Variants in CNTN4 observed in about 807,000 individuals in gnomAD.
CNTN4 encodes the protein contactin-4.
Under a neutral mutation model 122.5 loss-of-function variants are expected in CNTN4, and 77 were observed. The ratio of observed to expected loss-of-function variants is 0.63; its 90% CI spans 0.52 to 0.76. The LOEUF (loss-of-function observed/expected upper bound fraction) is 0.76, where lower values mean the gene tolerates loss of function less well. Ranked by LOEUF, CNTN4 falls within the 30% of genes least tolerant of loss-of-function variation. The probability of loss-of-function intolerance (pLI) is 0.00; values close to 1 mark genes in which losing one functional copy is unlikely to be tolerated. For missense variants in CNTN4, 1,256 were observed against 1,259.1 expected (o/e 1.00, Z 0.04); for synonymous variants, 512 against 447.0 (o/e 1.15, Z -1.83).
chr3:2,673,373 C>T (rs1412009582), intron 4 of CNTN4, among the ~76,000 whole-genome samples: 2 of 152,114 alleles, frequency 1.3e-5, no homozygotes, highest in African/African-American at 4.8e-5. Flanking sequence ...AAATATAACC[C>T]TGAATTCCTC....
chr3:2,298,302 A>T (rs2042385753), intron 2 of CNTN4, among the ~76,000 whole-genome samples: 1 of 152,108 alleles, frequency 6.6e-6, no homozygotes, highest in South Asian at 2.1e-4. Flanking sequence ...TTGAAATTTA[A>T]CAGGCTTATT....
chr3:2,562,898 A>C (rs943711034), intron 3 of CNTN4, among the ~76,000 whole-genome samples: 6 of 148,818 alleles, frequency 4.0e-5, no homozygotes, highest in African/African-American at 1.5e-4. Flanking sequence ...TAACTTTTAA[A>C]TTTTTTTTTT....
rs529931595 is a variant in CNTN4 at position 2,289,222 on chromosome 3, G to A, written c.-144-49956G>A. ...TTAGATGATTTCTAACATGAATGAT[G>A]GAGTGATAGGTACAGGGAAGGATGA... On this transcript the variant is annotated intron_variant, in intron 2 of 24. Coordinates refer to ENST00000418658, the MANE Select transcript of CNTN4 (RefSeq NM_175607.3). Among the ~76,000 whole-genome samples the A allele has an allele frequency of 2.0e-5, 3 of 152,256 alleles. No individual in the cohort carries two copies. In the South Asian group the frequency reaches 6.2e-4, roughly 32 times the overall value.
rs149308994 is a variant in CNTN4 at position 2,474,187 on chromosome 3, C to T, written c.-88-97229C>T. Among the ~76,000 whole-genome samples the T allele has an allele frequency of 3.4e-3, 517 of 152,192 alleles. 1 individual carries two copies. The highest frequency in any genetic ancestry group is 0.012 in the African/African-American group (500 of 41,540). On this transcript the variant is annotated intron_variant, in intron 3 of 24. Coordinates refer to ENST00000418658, the MANE Select transcript of CNTN4 (RefSeq NM_175607.3). ...ATGCTGTTCTTTTTACATAGGGCTT[C>T]CCTTAGCACAGCATTTCATCACATA...
At chr3:2,352,778 G>A (rs1575440170) in intron 3 of CNTN4, among the ~76,000 whole-genome samples, 1 of 152,240 alleles carries the variant, frequency 6.6e-6, no homozygotes, top group Non-Finnish European at 1.5e-5. Context: ...CAGGTGCACG[G>A]TGCGGGACTG....
intron 13 of CNTN4, among the ~76,000 whole-genome samples, chr3:2,969,563 C>T (rs796601559): frequency 5.4e-5 from 8 of 149,104 alleles, no homozygotes; most frequent in African/African-American, 2.0e-4. Context: ...GAAATGGATG[C>T]TGTGCAGGCA....
intron 4 of CNTN4, among the ~76,000 whole-genome samples, chr3:2,634,870 A>G (rs1307813408): frequency 6.6e-6 from 1 of 151,864 alleles, no homozygotes; most frequent in African/African-American, 2.4e-5. Flanking sequence ...AATAACAATA[A>G]AATAAAAAAT....
At chr3:2,559,496 C>T (rs1160463653) in intron 3 of CNTN4, among the ~76,000 whole-genome samples, 1 of 151,992 alleles carries the variant, frequency 6.6e-6, no homozygotes, top group Non-Finnish European at 1.5e-5. Flanking sequence ...ATACCTGCCT[C>T]CTCAAGTTAT....
chr3:2,288,186 T>G (rs956441747), intron 2 of CNTN4, among the ~76,000 whole-genome samples: 1 of 152,208 alleles, frequency 6.6e-6, no homozygotes, highest in African/African-American at 2.4e-5. Flanking sequence ...AAGGAATGCC[T>G]GAGACTAGGT....
At chr3:2,608,954 C>T (rs1189791180) in intron 4 of CNTN4, among the ~76,000 whole-genome samples, 1 of 152,204 alleles carries the variant, frequency 6.6e-6, no homozygotes, top group Non-Finnish European at 1.5e-5. Flanking sequence ...TATAAAGAGT[C>T]TGGTCTTGTT....
intron 4 of CNTN4, among the ~76,000 whole-genome samples, chr3:2,703,481 TCTC>T (rs1290994965): frequency 6.6e-6 from 1 of 152,138 alleles, no homozygotes; most frequent in Non-Finnish European, 1.5e-5. Flanking sequence ...TAAAATCAAA[TCTC>T]AGAGAAGATG....
intron 13 of CNTN4, among the ~76,000 whole-genome samples, chr3:2,965,377 T>G (rs1692204000): frequency 6.6e-6 from 1 of 152,232 alleles, no homozygotes; most frequent in Non-Finnish European, 1.5e-5. Flanking sequence ...CTTTCTCTGG[T>G]GATGGAAATA....
At chr3:2,712,417 G>T (rs898005286) in intron 4 of CNTN4, among the ~76,000 whole-genome samples, 4 of 152,056 alleles carry the variant, frequency 2.6e-5, no homozygotes, top group African/African-American at 9.7e-5. Context: ...GAGGAGAAAA[G>T]GTAACATCTT....
intron 2 of CNTN4, among the ~76,000 whole-genome samples, chr3:2,287,658 GAAGAAGAA>G (rs1559415346): frequency 0.019 from 606 of 31,678 alleles, 6 homozygotes; most frequent in African/African-American, 0.047. Context: ...AGAAGAAGAA[GAAGAAGAA>G]GAAGAAGAAG....
chr3:2,417,804 AAAG>A (rs1165890838), intron 3 of CNTN4, among the ~76,000 whole-genome samples: 3 of 152,222 alleles, frequency 2.0e-5, no homozygotes, highest in Non-Finnish European at 4.4e-5. Flanking sequence ...TTGGCACTAA[AAAG>A]AAATGAGCTA....
intron 2 of CNTN4, among the ~76,000 whole-genome samples, chr3:2,306,059 T>C (rs984557112): frequency 4.6e-5 from 7 of 152,230 alleles, no homozygotes; most frequent in African/African-American, 1.4e-4. Context: ...GGGTTGTTTT[T>C]ATTTTTTGTA....
chr3:2,570,880 G>A (rs1211146948), intron 3 of CNTN4, among the ~76,000 whole-genome samples: 1 of 152,138 alleles, frequency 6.6e-6, no homozygotes, highest in Non-Finnish European at 1.5e-5. Context: ...AGACACTGGA[G>A]CTGCATACTT....
At chr3:2,109,726 C>T (rs566994663) in intron 2 of CNTN4, among the ~76,000 whole-genome samples, 1 of 152,230 alleles carries the variant, frequency 6.6e-6, no homozygotes. Flanking sequence ...TATTGTTATC[C>T]ATATTATGAT....
intron 3 of CNTN4, among the ~76,000 whole-genome samples, chr3:2,517,116 A>C (rs568231837): frequency 6.6e-6 from 1 of 152,234 alleles, no homozygotes; most frequent in South Asian, 2.1e-4. Context: ...TGAAATAATT[A>C]AGACATTTGG....
Sources: allele counts gnomAD v4.1 joint callset (sites outside exome capture counted in the v4.1 genomes callset), GRCh38; gene constraint gnomAD v4.1.1; transcripts MANE v1.5; gene names NCBI Gene and HGNC (gene_info 2026-07-23, HGNC 2026-07-21).